CACNA2D3: variants seen among roughly 807,000 people sequenced by gnomAD.
CACNA2D3 encodes the protein voltage-dependent calcium channel subunit alpha-2/delta-3.
CACNA2D3 carries 60 observed loss-of-function variants against 160.6 expected under a neutral mutation model. The observed-to-expected ratio is 0.37, with a 90% CI of 0.30 to 0.46. The LOEUF is 0.46. Among genes scored for constraint, CACNA2D3 ranks in the 20% least tolerant of loss-of-function variants. The probability of loss-of-function intolerance (pLI) is 1.00; values close to 1 mark genes in which losing one functional copy is unlikely to be tolerated. For synonymous variants in CACNA2D3, 558 were observed against 492.9 expected (o/e 1.13, Z -1.75); for missense variants, 1,205 against 1,365.0 (o/e 0.88, Z 1.85).
At chr3:55,026,610 AC>A (rs1484316575) in intron 35 of CACNA2D3, among the ~76,000 whole-genome samples, 1 of 152,182 alleles carries the variant, frequency 6.6e-6, no homozygotes, top group Non-Finnish European at 1.5e-5. Flanking sequence ...GGGTATGCAC[AC>A]CCGGGCAGAG....
At chr3:54,936,977 T>C (rs1023749821) in intron 27 of CACNA2D3, among the ~76,000 whole-genome samples, 1 of 152,146 alleles carries the variant, frequency 6.6e-6, no homozygotes, top group Admixed American at 6.5e-5. Flanking sequence ...GCTCCCACCA[T>C]GAAGGCATCT....
chr3:54,983,934 G>C (rs1575421647), intron 29 of CACNA2D3, among the ~76,000 whole-genome samples: 1 of 152,122 alleles, frequency 6.6e-6, no homozygotes, highest in East Asian at 1.9e-4. Context: ...AGTAGTGTGG[G>C]GGAAGCAGAG....
intron 13 of CACNA2D3, among the ~76,000 whole-genome samples, chr3:54,810,447 C>T (rs926277576): frequency 3.3e-5 from 5 of 152,012 alleles, no homozygotes; most frequent in Admixed American, 2.0e-4. Flanking sequence ...TAGTAGAGTG[C>T]GGATCTTTAT....
chr3:54,857,442 G>A (rs1231005545), intron 17 of CACNA2D3, among the ~76,000 whole-genome samples: 3 of 152,112 alleles, frequency 2.0e-5, no homozygotes, highest in Non-Finnish European at 2.9e-5. Flanking sequence ...AAGATGTGAC[G>A]AGAAATTAGC....
intron 3 of CACNA2D3, among the ~76,000 whole-genome samples, chr3:54,333,270 C>T (rs749791113): frequency 3.9e-5 from 6 of 152,110 alleles, no homozygotes; most frequent in East Asian, 1.9e-4. Flanking sequence ...TTTCTCCCAG[C>T]GCTTCACACA....
chr3:54,712,402 C>T (rs1175886210), intron 11 of CACNA2D3, among the ~76,000 whole-genome samples: 4 of 152,064 alleles, frequency 2.6e-5, no homozygotes, highest in East Asian at 3.9e-4. Context: ...AATTCCTATG[C>T]GTTGTGGGAG....
intron 3 of CACNA2D3, among the ~76,000 whole-genome samples, chr3:54,322,075 C>T (rs1012819582): frequency 6.6e-6 from 1 of 152,146 alleles, no homozygotes; most frequent in South Asian, 2.1e-4. Flanking sequence ...ACAAAGTAGC[C>T]CTGGTGCCTG....
Position 54,122,643 on chromosome 3 carries a change from C to G in CACNA2D3, c.-71C>G, listed in dbSNP as rs1348273168. 2.0e-6 allele frequency: 2 copies of G among 977,676 alleles called. No homozygotes were observed. The allele number at this position is 977,676 out of a possible 1,614,324, so 60.6% of individuals were successfully genotyped here. Reference sequence around the variant, plus strand: ...CAGGCAGCCCCGCGCGCTCGCCCACCGCCCGCTCCGCGCAGCTCCCCGCGG... The same window carrying G: ...CAGGCAGCCCCGCGCGCTCGCCCACGGCCCGCTCCGCGCAGCTCCCCGCGG... On this transcript the variant is annotated 5_prime_UTR_variant, in exon 1 of 38. Coordinates refer to ENST00000474759, the MANE Select transcript of CACNA2D3 (RefSeq NM_018398.3).
intron 2 of CACNA2D3, among the ~76,000 whole-genome samples, chr3:54,177,538 T>G (rs1264621702): frequency 6.6e-6 from 1 of 152,200 alleles, no homozygotes; most frequent in Non-Finnish European, 1.5e-5. Flanking sequence ...TTGGCTTTGG[T>G]GAATTATCCT....
intron 13 of CACNA2D3, among the ~76,000 whole-genome samples, chr3:54,815,915 A>T (rs1305246985): frequency 1.3e-5 from 2 of 152,218 alleles, no homozygotes; most frequent in African/African-American, 4.8e-5. Context: ...GGATCATGTT[A>T]ATTCCATTCC....
At chr3:54,534,447 G>A (rs1033393659) in intron 5 of CACNA2D3, among the ~76,000 whole-genome samples, 3 of 152,050 alleles carry the variant, frequency 2.0e-5, no homozygotes, top group Non-Finnish European at 4.4e-5. Context: ...ACTCGGAGCT[G>A]TTCTTCACCA....
rs768411385 is a variant in CACNA2D3, at chr3:54,899,863, T to C, written c.2444T>C (p.Val815Ala). 3.0e-5 allele frequency: 48 copies of C among 1,594,886 alleles called. No individual in the cohort carries two copies. Among genetic ancestry groups the C allele is most frequent in the Non-Finnish European group, 4.0e-5 (47 of 1,169,078 alleles). Reference sequence around the variant, plus strand: ...CTGGATGAACGGAAATCTCCTGTGGTGGCAGGTAAATAATTGATTGAATCC... The same window carrying C: ...CTGGATGAACGGAAATCTCCTGTGGCGGCAGGTAAATAATTGATTGAATCC... ...QLLDERKSPV[V>A]AAVGIQMKLE... is the part of the protein sequence containing the mutation. Residue 815 changes from valine to alanine, a missense_variant, in exon 27 of 38, where the codon GTG (valine) becomes GCG (alanine). Coordinates refer to ENST00000474759, the MANE Select transcript of CACNA2D3 (RefSeq NM_018398.3).
Position 55,057,026 on chromosome 3 carries a change from T to C in CACNA2D3, c.2988-16419T>C, listed in dbSNP as rs544047310. Among the ~76,000 whole-genome samples the C allele has an allele frequency of 2.0e-5, 3 of 152,332 alleles. No homozygotes were observed. In the East Asian group the frequency reaches 5.8e-4, roughly 29 times the overall value. On this transcript the variant is annotated intron_variant, in intron 35 of 37. Transcript: ENST00000474759. ...ATTTGGCTGTGTCCCTGCCCAAATCTCATCTTGAATTGTAGCTCCCATAAT... is the reference window on the plus strand; with the variant it reads ...ATTTGGCTGTGTCCCTGCCCAAATCCCATCTTGAATTGTAGCTCCCATAAT...
rs569330238 is a variant in CACNA2D3, at chr3:55,053,770, A to T, written c.2988-19675A>T. On this transcript the variant is annotated intron_variant, in intron 35 of 37. Transcript: ENST00000474759. ...TTTCTTTAAAATCTGGATGAATTTT[A>T]TGTCCTTTCTTGCCTTACTGCACAG... Among the ~76,000 whole-genome samples the T allele has an allele frequency of 2.4e-4, 37 of 152,084 alleles. No homozygotes were observed. The South Asian group carries it at 5.6e-3, about 23-fold the overall frequency.
chr3:54,417,435 G>A (rs748979447), intron 4 of CACNA2D3, among the ~76,000 whole-genome samples: 2 of 152,124 alleles, frequency 1.3e-5, no homozygotes, highest in Admixed American at 6.6e-5. Flanking sequence ...TTCAGACTAC[G>A]AGTTGGGACT....
chr3:54,211,782 A>C (rs1701376362), intron 2 of CACNA2D3, among the ~76,000 whole-genome samples: 2 of 152,314 alleles, frequency 1.3e-5, no homozygotes, highest in Non-Finnish European at 2.9e-5. Context: ...GTGAAAGGGA[A>C]ACTGTTATTT....
intron 27 of CACNA2D3, among the ~76,000 whole-genome samples, chr3:54,934,146 C>A (rs1284481962): frequency 6.6e-6 from 1 of 152,156 alleles, no homozygotes; most frequent in Admixed American, 6.6e-5. Context: ...AGGTTTCCAG[C>A]GTTATTTGTT....
At chr3:54,174,750 C>T (rs1474332374) in intron 2 of CACNA2D3, among the ~76,000 whole-genome samples, 2 of 152,226 alleles carry the variant, frequency 1.3e-5, no homozygotes, top group African/African-American at 4.8e-5. Flanking sequence ...TGGTTTCGAT[C>T]TCCTGACCTT....
chr3:54,420,258 T>C (rs1699817649), intron 4 of CACNA2D3, among the ~76,000 whole-genome samples: 1 of 152,148 alleles, frequency 6.6e-6, no homozygotes, highest in African/African-American at 2.4e-5. Context: ...CTAATTTTTG[T>C]ATTTTTAGTA....
Sources: gnomAD v4.1 joint callset for allele counts (sites outside exome capture counted in the v4.1 genomes callset) on GRCh38, gnomAD v4.1.1 for gene constraint, MANE v1.5 for transcripts, NCBI Gene and HGNC (gene_info 2026-07-23, HGNC 2026-07-21) for gene names.